The following AGO1 variants were observed in gnomAD, a reference collection of about 807,000 sequenced individuals.
AGO1 encodes argonaute RISC component 1.
A neutral mutation model predicts 109.2 loss-of-function variants in AGO1; 11 were observed. That is an observed-to-expected ratio of 0.10 (90% CI 0.06 to 0.17). The LOEUF is 0.17. AGO1 is among the 10% of genes least tolerant of loss of function. The probability of loss-of-function intolerance (pLI) is 1.00; values close to 1 mark genes in which losing one functional copy is unlikely to be tolerated. For missense variants in AGO1, 574 were observed against 1,140.3 expected, an observed-to-expected ratio of 0.50 and a Z score of 7.15; for synonymous variants, 422 against 418.6, an observed-to-expected ratio of 1.01 and a Z score of -0.10.
In AGO1 at chr1:35,923,178, G is replaced by A. The variant is rs960365327; in HGVS notation, c.*3571G>A. 1.3e-5 allele frequency: 2 copies of A among 152,222 alleles called. No individual in the cohort carries two copies. The highest frequency in any genetic ancestry group is 2.9e-5 in the Non-Finnish European group (2 of 68,044). The allele number at this position is 152,222 out of a possible 1,614,324, so 9.4% of individuals were successfully genotyped here. Reference sequence around the variant, plus strand: ...AACTTAGGCTTAACATAAAGCCGAAGAAGGTACCTAGAAATTTGAAACTTC... The same window carrying A: ...AACTTAGGCTTAACATAAAGCCGAAAAAGGTACCTAGAAATTTGAAACTTC... On this transcript the variant is annotated 3_prime_UTR_variant, in exon 19 of 19. Transcript: ENST00000373204.
Position 35,893,060 on chromosome 1 carries a change from T to A in AGO1, c.331-37T>A. 6.3e-7 allele frequency: 1 copy of A among 1,595,226 alleles called. No individual in the cohort carries two copies. Among genetic ancestry groups the A allele is most frequent in the Non-Finnish European group, 8.6e-7 (1 of 1,166,450 alleles). ...GTTGGGGGTCATTCTCGCAGAGCAA[T>A]GGCAATCCTTCATCCCTTTCTTTCA... On this transcript the variant is annotated intron_variant, in intron 3 of 18. Coordinates refer to ENST00000373204, the MANE Select transcript of AGO1 (RefSeq NM_012199.5). The surrounding 1 kb of genome is among the most constrained non-coding windows in gnomAD (Gnocchi z 5.6).
In AGO1 at chr1:35,924,233, C is replaced by G. The variant is rs1355722293; in HGVS notation, c.*4626C>G. 6.5e-6 allele frequency: 1 copy of G among 152,980 alleles called. No individual in the cohort carries two copies. The highest frequency in any genetic ancestry group is 1.5e-5 in the Non-Finnish European group (1 of 68,084). The allele number at this position is 152,980 out of a possible 1,614,324, so 9.5% of individuals were successfully genotyped here. On this transcript the variant is annotated 3_prime_UTR_variant, in exon 19 of 19. Transcript: ENST00000373204. ...CAGTTCCTTCTGAAGCAAGCAACAT[C>G]AGCAGCAGCAGCAGCAGCAGCACAA...
intron 1 of AGO1, among the ~76,000 whole-genome samples, chr1:35,878,059 C>A (rs528744568): frequency 6.6e-6 from 1 of 150,858 alleles, no homozygotes; most frequent in Non-Finnish European, 1.5e-5. Context: ...ATTAATTTCA[C>A]CTGTTTCCTT....
intron 1 of AGO1, chr1:35,873,623 G>C (rs1644970454): frequency 6.2e-6 from 1 of 160,652 alleles, no homozygotes; most frequent in African/African-American, 2.4e-5. Context: ...TGACCAATCA[G>C]TCTTCCTGAT....
chr1:35,894,962 A>G (rs1645292297), intron 7 of AGO1, among the ~76,000 whole-genome samples, 160 bp from the exon 8 acceptor site: 1 of 152,148 alleles, frequency 6.6e-6, no homozygotes, highest in Admixed American at 6.5e-5. Flanking sequence ...TGCTCAAAGA[A>G]GTTGGATAGG....
Position 35,888,485 on chromosome 1 carries a change from C to T in AGO1, c.84C>T (p.Gly28=), listed in dbSNP as rs1424891938. 3 of 1,614,098 alleles carry T rather than the reference C, an allele frequency of 1.9e-6. No individual in the cohort carries two copies. The highest frequency in any genetic ancestry group is 1.3e-5 in the African/African-American group (1 of 74,944). The change falls in exon 2 of 19, where the codon GGC becomes GGT. Residue 28 remains glycine (G), a synonymous_variant. Coordinates refer to ENST00000373204, the MANE Select transcript of AGO1 (RefSeq NM_012199.5). This position sits in a 1 kb window ranked among gnomAD's most constrained non-coding sequence, Gnocchi z 4.1. ...TGTTCCAGGCACCTCGCCGGCCTGG[C>T]ATTGGCACTGTGGGGAAACCAATCA... ...QQVFQAPRRP[G]IGTVGKPIKL... is the part of the protein sequence containing the mutation.
At chr1:35,880,665 T>C (rs1645028023), upstream of AGO1, among the ~76,000 whole-genome samples, 1 of 152,204 alleles carries the variant, frequency 6.6e-6, no homozygotes. Flanking sequence ...TTTCGTTTTG[T>C]TTTTTGTTTT....
At position 35,924,343 on chromosome 1, in the gene AGO1, T is replaced by C. The variant is rs1256255072; in HGVS notation, c.*4736T>C. The C allele has an allele frequency of 6.5e-6, 1 of 152,674 alleles. No individual in the cohort carries two copies. The highest frequency in any genetic ancestry group is 1.5e-5 in the Non-Finnish European group (1 of 68,068). The allele number at this position is 152,674 out of a possible 1,614,324, so 9.5% of individuals were successfully genotyped here. A position where few individuals can be genotyped will look rare whatever the true frequency, so the allele number is the denominator to read the frequency against. On this transcript the variant is annotated 3_prime_UTR_variant, in exon 19 of 19. Coordinates refer to ENST00000373204, the MANE Select transcript of AGO1 (RefSeq NM_012199.5). ...TTTTTCCTACCAGCAAAACAAACTT[T>C]TGGGACTGATTACATCTCTAATAGA...
rs1170784368 is a variant in AGO1, at chr1:35,923,569, A to G, written c.*3962A>G. ...TAGCTGGAATACCTTCCTTCTTAAA[A>G]TCTGATCATGGCAGGGATATGCAGG... is the stretch of plus-strand genomic sequence containing the variant. On this transcript the variant is annotated 3_prime_UTR_variant, in exon 19 of 19. Transcript: ENST00000373204. The G allele has an allele frequency of 6.6e-6, 1 of 152,630 alleles. No individual in the cohort carries two copies. Among genetic ancestry groups the G allele is most frequent in the Admixed American group, 6.5e-5 (1 of 15,284 alleles). The allele number at this position is 152,630 out of a possible 1,614,324, so 9.5% of individuals were successfully genotyped here. A position where few individuals can be genotyped will look rare whatever the true frequency, so the allele number is the denominator to read the frequency against.
At chr1:35,887,041 C>G (rs961750028) in intron 1 of AGO1, among the ~76,000 whole-genome samples, 4 of 152,156 alleles carry the variant, frequency 2.6e-5, no homozygotes, top group Non-Finnish European at 2.9e-5. Flanking sequence ...AGGTAGGCAG[C>G]CAGGTGCTAG....
At chr1:35,917,860 A>G (rs1214587019) in intron 16 of AGO1, 133 bp downstream of exon 16, 2 of 1,297,666 alleles carry the variant, frequency 1.5e-6, no homozygotes, top group Non-Finnish European at 2.1e-6. Context: ...CCCTCCTCCT[A>G]GCTCTTGTGG....
At chr1:35,899,813 C>T (rs1004227588) in intron 8 of AGO1, among the ~76,000 whole-genome samples, 6 of 152,118 alleles carry the variant, frequency 3.9e-5, no homozygotes, top group South Asian at 4.1e-4. Context: ...CATCTAAATC[C>T]TTACAACAAA....
At chr1:35,876,799 A>T (rs911521632) in intron 1 of AGO1, among the ~76,000 whole-genome samples, 1 of 152,090 alleles carries the variant, frequency 6.6e-6, no homozygotes, top group Non-Finnish European at 1.5e-5. Flanking sequence ...TTTGTTTTTT[A>T]AGAGACAGGC....
rs1452072720 is a variant in AGO1, at chr1:35,924,242, C to CCTATGGCT, written c.*4635_*4636insCTATGGCT. Reference sequence around the variant, plus strand: ...CTGAAGCAAGCAACATCAGCAGCAGCAGCAGCAGCAGCACAATTCTGTGTT... The same window carrying CCTATGGCT: ...CTGAAGCAAGCAACATCAGCAGCAGCCTATGGCTAGCAGCAGCAGCACAATTCTGTGTT... On this transcript the variant is annotated 3_prime_UTR_variant, in exon 19 of 19. Transcript: ENST00000373204. 1 of 154,416 alleles carries CCTATGGCT rather than the reference C, an allele frequency of 6.5e-6. No homozygotes were observed. The highest frequency in any genetic ancestry group is 1.5e-5 in the Non-Finnish European group (1 of 68,808). The allele number at this position is 154,416 out of a possible 1,614,324, so 9.6% of individuals were successfully genotyped here.
Position 35,888,547 on chromosome 1 carries a change from A to G in AGO1, c.146A>G (p.Lys49Arg). The G allele has an allele frequency of 1.2e-6, 2 of 1,614,260 alleles. No individual in the cohort carries two copies. The highest frequency in any genetic ancestry group is 1.7e-6 in the Non-Finnish European group (2 of 1,180,048). Residue 49 changes from lysine to arginine, a missense_variant, in exon 2 of 19, where the codon AAG becomes AGG. By Grantham distance (26) the Lys-to-Arg change is conservative. This residue lies in a region of AGO1 where 89 missense variants were observed against 109.6 expected (regional missense o/e 0.81). Transcript: ENST00000373204. This position sits in a 1 kb window ranked among gnomAD's most constrained non-coding sequence, Gnocchi z 4.1. ...AATTACTTTGAGGTGGACATCCCTA[A>G]GATCGACGTGTACCACTACGAGGTG... ...LANYFEVDIP[K>R]IDVYHYEVDI...
At position 35,922,410 on chromosome 1, in the gene AGO1, A is replaced by C. The variant is rs891356896; in HGVS notation, c.*2803A>C. 1 of 152,270 alleles carries C rather than the reference A, an allele frequency of 6.6e-6. No homozygotes were observed. The highest frequency in any genetic ancestry group is 1.5e-5 in the Non-Finnish European group (1 of 68,060). 9.4% of individuals were successfully genotyped at this position (152,270 alleles called of 1,614,324 possible). ...TGGTGTTGGCAGCAAGCTTTGGCTC[A>C]TGTGGATTTGGTTTAAGTGGTGCTT... On this transcript the variant is annotated 3_prime_UTR_variant, in exon 19 of 19. Transcript: ENST00000373204.
At position 35,893,451 on chromosome 1, in the gene AGO1, C is replaced by G. The variant is rs1315791656; in HGVS notation, c.512+173C>G. On this transcript the variant is annotated intron_variant, in intron 4 of 18. Coordinates refer to ENST00000373204, the MANE Select transcript of AGO1 (RefSeq NM_012199.5). The surrounding 1 kb of genome is among the most constrained non-coding windows in gnomAD (Gnocchi z 5.6). ...ATATTTAGATGGTTTAAAGCCCTGG[C>G]CCTGAACTTCTTAGATATCTTTGGG... is the stretch of plus-strand genomic sequence containing the variant. 2.4e-6 allele frequency: 2 copies of G among 831,036 alleles called. No individual in the cohort carries two copies. Among genetic ancestry groups the G allele is most frequent in the Non-Finnish European group, 3.6e-6 (2 of 548,722 alleles). The allele number at this position is 831,036 out of a possible 1,614,324, so 51.5% of individuals were successfully genotyped here.
upstream of AGO1, among the ~76,000 whole-genome samples, chr1:35,881,621 C>T (rs1350283724): frequency 6.6e-6 from 1 of 152,226 alleles, no homozygotes; most frequent in African/African-American, 2.4e-5. Flanking sequence ...TGCGCCCAGC[C>T]ACCAATCCAA....
chr1:35,928,321 C>T lies in AGO1; in HGVS notation c.*8714C>T, dbSNP rs1442744285. ...TTTGAGACAGTGTCTCACTCTGTCA[C>T]CCAGGCTGGAGTGCAGTCTCATGAT... On this transcript the variant is annotated 3_prime_UTR_variant, in exon 19 of 19. Coordinates refer to ENST00000373204, the MANE Select transcript of AGO1 (RefSeq NM_012199.5). 2 of 152,242 alleles carry T rather than the reference C, an allele frequency of 1.3e-5. No individual in the cohort carries two copies. Among genetic ancestry groups the T allele is most frequent in the Non-Finnish European group, 2.9e-5 (2 of 68,086 alleles). 9.4% of individuals were successfully genotyped at this position (152,242 alleles called of 1,614,324 possible).
Sources: gnomAD v4.1 joint callset for allele counts (sites outside exome capture counted in the v4.1 genomes callset) on GRCh38, gnomAD v4.1.1 for gene constraint, gnomAD v4.1.1 regional missense constraint, Gnocchi (gnomAD v3.1) non-coding constraint, MANE v1.5 for transcripts, NCBI Gene and HGNC (gene_info 2026-07-23, HGNC 2026-07-21) for gene names.